Variants in CWF19L1 observed in about 807,000 individuals in gnomAD.
The protein encoded by CWF19L1 is CWF19 like cell cycle control factor 1.
CWF19L1 carries 60 observed loss-of-function variants against 69.7 expected under a neutral mutation model. That is an observed-to-expected ratio of 0.86 (90% CI 0.70 to 1.07). CWF19L1 has a LOEUF of 1.07. Ranked by LOEUF, CWF19L1 falls within the 50% of genes least tolerant of loss-of-function variation. CWF19L1 has a pLI of 0.00. For synonymous variants in CWF19L1, 209 were observed against 222.2 expected, an observed-to-expected ratio of 0.94 and a Z score of 0.53; for missense variants, 591 against 638.9, an observed-to-expected ratio of 0.92 and a Z score of 0.81.
At chr10:100,248,397 C>T (rs769270878) in intron 7 of CWF19L1, 1 of 758,308 alleles carries the variant, frequency 1.3e-6, no homozygotes, top group Non-Finnish European at 2.4e-6. Context: ...CCATGGAGTA[C>T]AGAACACTGT....
intron 12 of CWF19L1, among the ~76,000 whole-genome samples, chr10:100,236,501 C>T (rs991538145): frequency 6.6e-6 from 1 of 152,120 alleles, no homozygotes; most frequent in Non-Finnish European, 1.5e-5. Flanking sequence ...TCTTGCCAGG[C>T]GTGGGTGGCT....
intron 10 of CWF19L1, among the ~76,000 whole-genome samples, chr10:100,242,505 C>CT: frequency 6.6e-6 from 1 of 152,224 alleles, no homozygotes; most frequent in South Asian, 2.1e-4. Flanking sequence ...GAAACCCTGT[C>CT]TCTACTAAAA....
intron 12 of CWF19L1, among the ~76,000 whole-genome samples, chr10:100,236,211 C>G (rs1286223538): frequency 6.6e-6 from 1 of 151,342 alleles, no homozygotes; most frequent in African/African-American, 2.4e-5. Context: ...CTTAAGTGAT[C>G]CTCCTGACTC....
rs1375438271 is a variant in CWF19L1 at position 100,256,346 on chromosome 10, C to T, written c.420G>A (p.Leu140=). ...PKDVSSLRMM[L]CTTSQFKGVD... ...CACCCTTAAACTGGGAGGTTGTACA[C>T]AGCATCATTCTCAGAGAAGACACAT... Residue 140 remains leucine (L), a synonymous_variant, in exon 5 of 14, where the codon CTG becomes CTA. Coordinates refer to ENST00000354105, the MANE Select transcript of CWF19L1 (RefSeq NM_018294.6). 1 of 1,614,102 alleles carries T rather than the reference C, an allele frequency of 6.2e-7. No individual in the cohort carries two copies. Among genetic ancestry groups the T allele is most frequent in the Non-Finnish European group, 8.5e-7 (1 of 1,179,966 alleles).
chr10:100,267,362 C>T (rs1246977628), intron 1 of CWF19L1: 4 of 931,620 alleles, frequency 4.3e-6, no homozygotes, highest in Non-Finnish European at 5.1e-6. Flanking sequence ...GAACGAGCGT[C>T]GCCAAGAGAA....
intron 5 of CWF19L1, 138 bp downstream of exon 5, chr10:100,256,124 T>C: frequency 4.6e-6 from 3 of 656,904 alleles, no homozygotes; most frequent in Non-Finnish European, 7.9e-6. Flanking sequence ...TTTAGAATCC[T>C]GAAAATTTTC....
intron 7 of CWF19L1, chr10:100,248,628 T>G: frequency 1.3e-6 from 1 of 759,034 alleles, no homozygotes; most frequent in Non-Finnish European, 2.4e-6. Context: ...CCATCACTAC[T>G]GAGATCCTCA....
intron 10 of CWF19L1, among the ~76,000 whole-genome samples, chr10:100,240,020 A>G (rs1846587776): frequency 6.6e-6 from 1 of 152,196 alleles, no homozygotes; most frequent in Non-Finnish European, 1.5e-5. Flanking sequence ...TTCTTTAGGT[A>G]ATGATGTCTA....
At chr10:100,260,903 C>T in intron 3 of CWF19L1, 63 bp downstream of exon 3, 1 of 1,009,626 alleles carries the variant, frequency 9.9e-7, no homozygotes, top group Non-Finnish European at 1.5e-6. Flanking sequence ...AACAACTCTG[C>T]AAGAACTCTG....
In CWF19L1 at chr10:100,246,859, G is replaced by A. The variant is rs1178423555; in HGVS notation, c.785C>T (p.Thr262Ile). Residue 262 changes from threonine to isoleucine, a missense_variant, in exon 8 of 14, where the codon ACT (threonine) becomes ATT (isoleucine). Thr to Ile is a moderately conservative substitution (Grantham distance 89). This residue lies in a region of CWF19L1 where 458 missense variants were observed against 489.3 expected (regional missense o/e 0.94). Coordinates refer to ENST00000354105, the MANE Select transcript of CWF19L1 (RefSeq NM_018294.6). ...AELVKQPPDV[T>I]ENPYRKSGQE... ...CCCAGATTTTCTGTAAGGGTTTTCA[G>A]TGACATCCGGAGGCTGTTTTACCAG... The A allele has an allele frequency of 1.9e-6, 3 of 1,614,124 alleles. No individual in the cohort carries two copies. The East Asian group carries it at 6.7e-5, about 36-fold the overall frequency.
intron 13 of CWF19L1, among the ~76,000 whole-genome samples, chr10:100,233,631 C>T (rs560373609): frequency 7.9e-4 from 120 of 152,304 alleles, no homozygotes; most frequent in African/African-American, 2.8e-3. Context: ...AGAAGCAACA[C>T]CACATAGAAA....
rs1846899435 is a variant in CWF19L1 at position 100,248,338 on chromosome 10, C to T, written c.709-1403G>A. 7 of 1,096,424 alleles carry T rather than the reference C, an allele frequency of 6.4e-6. 1 individual carries two copies. The South Asian group carries it at 8.8e-5, about 14-fold the overall frequency. 67.9% of individuals were successfully genotyped at this position (1,096,424 alleles called of 1,614,324 possible). On this transcript the variant is annotated intron_variant, in intron 7 of 13. Coordinates refer to ENST00000354105, the MANE Select transcript of CWF19L1 (RefSeq NM_018294.6). ...GTTGCAGGAGACGTGGTGAACTCTGCCCTATATAATGTGGATGCTGAGCAA... is the reference window on the plus strand; with the variant it reads ...GTTGCAGGAGACGTGGTGAACTCTGTCCTATATAATGTGGATGCTGAGCAA...
chr10:100,246,963 T>C, intron 7 of CWF19L1, 28 bp from the exon 8 acceptor site: 1 of 1,570,820 alleles, frequency 6.4e-7, no homozygotes, highest in Non-Finnish European at 8.7e-7. Flanking sequence ...ATAATGACAT[T>C]AGGGGAAATA....
intron 5 of CWF19L1, 27 bp from the exon 6 acceptor site, chr10:100,253,566 T>C (rs372797484): frequency 1.6e-5 from 21 of 1,315,332 alleles, no homozygotes; most frequent in Non-Finnish European, 2.0e-5. Flanking sequence ...TAGTCATCCA[T>C]ACAGACCAAA....
At position 100,256,536 on chromosome 10, in the gene CWF19L1, TA is replaced by T. The variant is rs1314202732; in HGVS notation, c.290-61del. On this transcript the variant is annotated intron_variant, in intron 4 of 13. Coordinates refer to ENST00000354105, the MANE Select transcript of CWF19L1 (RefSeq NM_018294.6). Reference sequence around the variant, plus strand: ...GAATTGCAGAATGAAAAGCCATCAATAGGGGGATGAATCTCCCATGACTCTC... The same window carrying T: ...GAATTGCAGAATGAAAAGCCATCAATGGGGGATGAATCTCCCATGACTCTC... 3.0e-6 allele frequency: 4 copies of T among 1,336,350 alleles called. No homozygotes were observed. In the African/African-American group the frequency reaches 5.8e-5, roughly 19 times the overall value. 82.8% of individuals were successfully genotyped at this position (1,336,350 alleles called of 1,614,324 possible). A position where few individuals can be genotyped will look rare whatever the true frequency, so the allele number is the denominator to read the frequency against.
chr10:100,246,920 T>C lies in CWF19L1; in HGVS notation c.724A>G (p.Ser242Gly), dbSNP rs1846843883. 10 of 1,610,302 alleles carry C rather than the reference T, an allele frequency of 6.2e-6. No homozygotes were observed. The highest frequency in any genetic ancestry group is 1.1e-5 in the South Asian group (1 of 90,582). ...PEKKKYLYAF[S>G]IVPMKLMDAA... ...TCCATTAGCTTCATGGGAACAATAC[T>C]GAACGCGTAAAGATACTTTAGAGAA... The change falls in exon 8 of 14, where the codon AGT becomes GGT. Residue 242 changes from serine (S) to glycine (G), a missense_variant. Around this residue, in one of 3 missense-constraint regions of CWF19L1, gnomAD observed 458 missense variants for 489.3 expected, o/e 0.94. Transcript: ENST00000354105.
chr10:100,252,691 C>T (rs1310579819), intron 6 of CWF19L1, among the ~76,000 whole-genome samples: 1 of 151,688 alleles, frequency 6.6e-6, no homozygotes, highest in Admixed American at 6.6e-5. Flanking sequence ...AAAAACTTAG[C>T]CGGACGTGGT....
At chr10:100,246,968 G>T (rs956776315) in intron 7 of CWF19L1, 33 bp from the exon 8 acceptor site, 3 of 1,543,846 alleles carry the variant, frequency 1.9e-6, no homozygotes, top group African/African-American at 2.7e-5. Context: ...GACATTAGGG[G>T]AAATACTATT....
In CWF19L1 at chr10:100,243,707, G is replaced by C. The variant is rs768399190; in HGVS notation, c.1035C>G (p.Ile345Met). 3 of 1,613,914 alleles carry C rather than the reference G, an allele frequency of 1.9e-6. No individual in the cohort carries two copies. Among genetic ancestry groups the C allele is most frequent in the Non-Finnish European group, 2.5e-6 (3 of 1,179,802 alleles). Reference protein sequence around the residue: ...PEVEKHLVVNIGTHCYLALAK... With the variant: ...PEVEKHLVVNMGTHCYLALAK... ...CAAGGAAGTAACTCACATGTGTGCC[G>C]ATGTTGACCACCAAATGTTTTTCCA... The change falls in exon 10 of 14, where the codon ATC becomes ATG. Residue 345 changes from isoleucine (I) to methionine (M), a missense_variant. Coordinates refer to ENST00000354105, the MANE Select transcript of CWF19L1 (RefSeq NM_018294.6).
Sources: gnomAD v4.1 joint callset for allele counts (sites outside exome capture counted in the v4.1 genomes callset) on GRCh38, gnomAD v4.1.1 for gene constraint, gnomAD v4.1.1 regional missense constraint, MANE v1.5 for transcripts, NCBI Gene and HGNC (gene_info 2026-07-23, HGNC 2026-07-21) for gene names.